ATE1: variants seen among roughly 807,000 people sequenced by gnomAD.
The protein encoded by ATE1 is arginyl-tRNA--protein transferase 1.
ATE1 carries 36 observed loss-of-function variants against 70.5 expected under a neutral mutation model. The ratio of observed to expected loss-of-function variants is 0.51; its 90% CI spans 0.39 to 0.67. The LOEUF (loss-of-function observed/expected upper bound fraction) is 0.67. ATE1 is among the 30% of genes least tolerant of loss of function. The pLI is 0.00. For synonymous variants in ATE1, 232 were observed against 219.3 expected (o/e 1.06, Z -0.51); for missense variants, 593 against 629.5 (o/e 0.94, Z 0.62).
At chr10:121,884,453 GT>G (rs1386331337) in intron 7 of ATE1, among the ~76,000 whole-genome samples, 1 of 152,122 alleles carries the variant, frequency 6.6e-6, no homozygotes, top group African/African-American at 2.4e-5. Flanking sequence ...GCCAGGTGTG[GT>G]GGCGTATGTC....
chr10:121,904,984 C>T (rs893336127), intron 5 of ATE1, among the ~76,000 whole-genome samples: 1 of 152,222 alleles, frequency 6.6e-6, no homozygotes, highest in Non-Finnish European at 1.5e-5. Flanking sequence ...TATTACTCTA[C>T]TGACCAACAG....
At chr10:121,757,017 T>C (rs1944833528) in intron 11 of ATE1, among the ~76,000 whole-genome samples, 1 of 152,244 alleles carries the variant, frequency 6.6e-6, no homozygotes, top group South Asian at 2.1e-4. Context: ...ACTTTTATGC[T>C]CTGCTTCCGT....
At chr10:121,790,952 G>GTGTA (rs1554893171) in intron 10 of ATE1, among the ~76,000 whole-genome samples, 6 of 5,916 alleles carry the variant, frequency 1.0e-3, no homozygotes, top group South Asian at 9.3e-3. Flanking sequence ...ATATATATGT[G>GTGTA]TATATATATA....
At chr10:121,832,943 TATCAGTATACAA>T (rs1160742124) in intron 10 of ATE1, among the ~76,000 whole-genome samples, 2 of 152,210 alleles carry the variant, frequency 1.3e-5, no homozygotes, top group Non-Finnish European at 1.5e-5. Context: ...GGATGTCATT[TATCAGTATACAA>T]ACAGAGAGAG....
In ATE1 at chr10:121,836,821, C is replaced by T. The variant is rs200216938; in HGVS notation, c.1158-4G>A. Reference sequence around the variant, plus strand: ...CTGCCTAGTAAAAGCAATTTCTCTGCGAAAAGAAAAAGAAGAAAGCTGAAG... The same window carrying T: ...CTGCCTAGTAAAAGCAATTTCTCTGTGAAAAGAAAAAGAAGAAAGCTGAAG... On this transcript the variant is annotated splice_region_variant and splice_polypyrimidine_tract_variant and intron_variant, in intron 9 of 11. Coordinates refer to ENST00000224652, the MANE Select transcript of ATE1 (RefSeq NM_001001976.3). The T allele has an allele frequency of 3.2e-5, 50 of 1,580,940 alleles. No homozygotes were observed. In the South Asian group the frequency reaches 4.3e-4, roughly 14 times the overall value.
chr10:121,857,476 A>G (rs1949290038), intron 8 of ATE1, among the ~76,000 whole-genome samples: 2 of 152,174 alleles, frequency 1.3e-5, no homozygotes, highest in Admixed American at 6.5e-5. Context: ...TCCATGGTGT[A>G]TATGTACTAC....
intron 11 of ATE1, 78 bp downstream of exon 11, chr10:121,790,091 T>C (rs1182856570): frequency 6.3e-7 from 1 of 1,586,896 alleles, no homozygotes; most frequent in Non-Finnish European, 8.6e-7. Context: ...CTGGACCCTG[T>C]TAAGAGCCAC....
chr10:121,787,384 C>CA (rs1946257973), intron 11 of ATE1, among the ~76,000 whole-genome samples: 1 of 152,206 alleles, frequency 6.6e-6, no homozygotes, highest in South Asian at 2.1e-4. Flanking sequence ...ATTTAAACCT[C>CA]AAATGACCAT....
chr10:121,766,460 G>A (rs911739452), intron 11 of ATE1, among the ~76,000 whole-genome samples: 5 of 152,128 alleles, frequency 3.3e-5, no homozygotes, highest in Non-Finnish European at 7.3e-5. Context: ...AAAAGTGAGA[G>A]AAGACGGTAA....
At chr10:121,915,591 A>G (rs1163306295) in intron 3 of ATE1, among the ~76,000 whole-genome samples, 1 of 152,182 alleles carries the variant, frequency 6.6e-6, no homozygotes, top group Non-Finnish European at 1.5e-5. Context: ...CAGAGGATAG[A>G]AAAGCTTCCT....
intron 11 of ATE1, among the ~76,000 whole-genome samples, chr10:121,781,742 T>C (rs1212210629): frequency 6.6e-6 from 1 of 152,238 alleles, no homozygotes; most frequent in Non-Finnish European, 1.5e-5. Context: ...CAGGGGTTAG[T>C]AAAGCAGAAA....
At chr10:121,828,905 G>A (rs748587585) in intron 10 of ATE1, among the ~76,000 whole-genome samples, 1 of 152,178 alleles carries the variant, frequency 6.6e-6, no homozygotes, top group Non-Finnish European at 1.5e-5. Context: ...TAAATATATG[G>A]TGAAGAAACT....
intron 5 of ATE1, among the ~76,000 whole-genome samples, chr10:121,908,825 T>C (rs1306205109): frequency 6.6e-6 from 1 of 152,186 alleles, no homozygotes; most frequent in African/African-American, 2.4e-5. Flanking sequence ...AAATTTAGCC[T>C]AGAATCTGAT....
rs187419532 is a variant in ATE1, at chr10:121,901,613, C to T, written c.813+778G>A. Among the ~76,000 whole-genome samples, 820 of 152,100 alleles carry T rather than the reference C, an allele frequency of 5.4e-3. 5 individuals carry two copies. The highest frequency in any genetic ancestry group is 0.011 in the South Asian group (54 of 4,812). ...TTGGGATTACAGGTGCACGCCACCA[C>T]GCCTGGCCAATTTTTATATTTTAGT... On this transcript the variant is annotated intron_variant, in intron 6 of 11. Transcript: ENST00000224652.
At chr10:121,794,287 A>G (rs1005678821) in intron 10 of ATE1, among the ~76,000 whole-genome samples, 6 of 152,272 alleles carry the variant, frequency 3.9e-5, no homozygotes, top group South Asian at 2.1e-4. Flanking sequence ...ATTTTACTTA[A>G]TTGTTCTAGG....
At chr10:121,849,061 A>G (rs1948954744) in intron 8 of ATE1, among the ~76,000 whole-genome samples, 1 of 151,918 alleles carries the variant, frequency 6.6e-6, no homozygotes, top group Non-Finnish European at 1.5e-5. Flanking sequence ...AAATACAAAA[A>G]TTAGCCAGGC....
Position 121,781,914 on chromosome 10 carries a change from T to C in ATE1, c.1378+8255A>G, listed in dbSNP as rs566175170. The stretch of plus-strand genomic sequence containing the variant: ...AATACGTTTCTTACAAGAAGAAGAA[T>C]CTTATCCCAGGTTCCATATTTATAT... On this transcript the variant is annotated intron_variant, in intron 11 of 11. Coordinates refer to ENST00000224652, the MANE Select transcript of ATE1 (RefSeq NM_001001976.3). Among the ~76,000 whole-genome samples, 3 of 152,332 alleles carry C rather than the reference T, an allele frequency of 2.0e-5. No individual in the cohort carries two copies. In the South Asian group the frequency reaches 6.2e-4, roughly 32 times the overall value.
chr10:121,747,035 CT>C (rs1258483519), intron 11 of ATE1, among the ~76,000 whole-genome samples: 5 of 152,020 alleles, frequency 3.3e-5, no homozygotes, highest in African/African-American at 4.8e-5. Flanking sequence ...TAATTATGTG[CT>C]GTTAGCCAAA....
At chr10:121,779,969 C>T (rs1338583590) in intron 11 of ATE1, among the ~76,000 whole-genome samples, 2 of 152,194 alleles carry the variant, frequency 1.3e-5, no homozygotes, top group African/African-American at 4.8e-5. Context: ...TCTCTGGCCT[C>T]CAATGGAATT....
Sources: gnomAD v4.1 joint callset for allele counts (sites outside exome capture counted in the v4.1 genomes callset) on GRCh38, gnomAD v4.1.1 for gene constraint, MANE v1.5 for transcripts, NCBI Gene and HGNC (gene_info 2026-07-23, HGNC 2026-07-21) for gene names.